The following CWF19L2 variants were observed in gnomAD, a reference collection of about 807,000 sequenced individuals.
CWF19L2 encodes CWF19-like protein 2.
CWF19L2 carries 98 observed loss-of-function variants against 111.7 expected under a neutral mutation model. That is an observed-to-expected ratio of 0.88 (90% CI 0.75 to 1.04). The LOEUF is 1.04. Among genes scored for constraint, CWF19L2 ranks in the 50% least tolerant of loss-of-function variants. The probability of loss-of-function intolerance (pLI) is 0.00; values close to 1 mark genes in which losing one functional copy is unlikely to be tolerated. For synonymous variants in CWF19L2, 351 were observed against 342.9 expected (o/e 1.02, Z -0.26); for missense variants, 1,101 against 1,051.4 (o/e 1.05, Z -0.65).
At chr11:107,362,670 T>C (rs910126404) in intron 12 of CWF19L2, among the ~76,000 whole-genome samples, 12 of 151,344 alleles carry the variant, frequency 7.9e-5, no homozygotes, top group African/African-American at 2.9e-4. Flanking sequence ...AAAACCCATC[T>C]GTACATCACC....
intron 12 of CWF19L2, among the ~76,000 whole-genome samples, chr11:107,370,916 C>T (rs1284971245): frequency 7.3e-6 from 1 of 137,036 alleles, no homozygotes; most frequent in African/African-American, 2.9e-5. Flanking sequence ...TACCTTTTAT[C>T]ATTTGTCTGT....
chr11:107,416,346 CT>C, intron 9 of CWF19L2, 48 bp from the exon 10 acceptor site: 1 of 810,094 alleles, frequency 1.2e-6, no homozygotes. Flanking sequence ...TAGTTTAATT[CT>C]TTACGACAAA....
At chr11:107,341,788 T>C (rs78459938) in intron 14 of CWF19L2, among the ~76,000 whole-genome samples, 1,970 of 152,242 alleles carry the variant, frequency 0.013, 24 homozygotes, top group South Asian at 0.037. Context: ...ATTGTTCAAA[T>C]TGTCTGTTTC....
intron 3 of CWF19L2, among the ~76,000 whole-genome samples, chr11:107,450,480 G>A (rs1861763159): frequency 6.6e-6 from 1 of 152,018 alleles, no homozygotes; most frequent in Non-Finnish European, 1.5e-5. Context: ...TTGAGCCCCA[G>A]GGGTTGAAGC....
At chr11:107,443,165 T>A in intron 3 of CWF19L2, 116 bp from the exon 4 acceptor site, 5 of 705,524 alleles carry the variant, frequency 7.1e-6, no homozygotes, top group Non-Finnish European at 1.2e-5. Flanking sequence ...TACACTGTAT[T>A]TCCCCTTTAC....
intron 10 of CWF19L2, among the ~76,000 whole-genome samples, chr11:107,408,009 T>C (rs11212209): frequency 0.037 from 5,671 of 151,974 alleles, 142 homozygotes; most frequent in East Asian, 0.11. Flanking sequence ...GGCTTACAGA[T>C]AGTAGTCATA....
At chr11:107,370,778 A>G (rs1452686078) in intron 12 of CWF19L2, among the ~76,000 whole-genome samples, 1 of 137,302 alleles carries the variant, frequency 7.3e-6, no homozygotes, top group African/African-American at 2.9e-5. Flanking sequence ...TGGCTTTGAC[A>G]AACAGGTGGC....
At chr11:107,423,927 CA>C (rs11291378) in intron 8 of CWF19L2, among the ~76,000 whole-genome samples, 64,339 of 147,392 alleles carry the variant, frequency 0.44, 13,803 homozygotes, top group Middle Eastern at 0.51. Flanking sequence ...TATATATGAG[CA>C]AAAAAAAAAA....
At position 107,329,994 on chromosome 11, in the gene CWF19L2, G is replaced by C; in HGVS notation, c.2465C>G (p.Ser822Cys). 1.3e-6 allele frequency: 2 copies of C among 1,582,826 alleles called. No individual in the cohort carries two copies. The highest frequency in any genetic ancestry group is 1.7e-6 in the Non-Finnish European group (2 of 1,164,160). The change falls in exon 17 of 18, where the codon TCT becomes TGT. Residue 822 changes from serine to cysteine, a missense_variant. Ser to Cys is a moderately radical substitution (Grantham distance 112). Coordinates refer to ENST00000282251, the MANE Select transcript of CWF19L2 (RefSeq NM_152434.3). ...KSVPRGLPYF[S>C]VDFGLHGGFA... is the part of the protein sequence containing the mutation. ...CCCTCCGTGAAGGCCAAAATCCACA[G>C]AGAAGTAAGGTAACCCTCTGGGTAC...
chr11:107,422,535 T>G (rs1431764764), intron 8 of CWF19L2, among the ~76,000 whole-genome samples: 7 of 152,088 alleles, frequency 4.6e-5, no homozygotes, highest in African/African-American at 1.4e-4. Context: ...TATACCAAAA[T>G]GTACACTTTT....
chr11:107,327,125 T>C, intron 17 of CWF19L2, 72 bp from the exon 18 acceptor site: 1 of 1,349,332 alleles, frequency 7.4e-7, no homozygotes, highest in Non-Finnish European at 1.0e-6. Flanking sequence ...ACTATTTCTG[T>C]TTATTCTGCT....
chr11:107,358,380 T>C (rs1860270738), intron 12 of CWF19L2, among the ~76,000 whole-genome samples: 2 of 151,770 alleles, frequency 1.3e-5, no homozygotes, highest in Non-Finnish European at 2.9e-5. Context: ...GCTCGTAATA[T>C]TTGAAGAAAG....
chr11:107,408,983 A>T (rs904303577), intron 10 of CWF19L2, among the ~76,000 whole-genome samples: 1 of 151,974 alleles, frequency 6.6e-6, no homozygotes, highest in Non-Finnish European at 1.5e-5. Flanking sequence ...GTCAAACCTC[A>T]CTGTTTAAAT....
chr11:107,425,871 G>A (rs916570203), intron 8 of CWF19L2, among the ~76,000 whole-genome samples: 1 of 151,858 alleles, frequency 6.6e-6, no homozygotes, highest in African/African-American at 2.4e-5. Flanking sequence ...ATTAATTTTT[G>A]TTCACATTAC....
Position 107,430,263 on chromosome 11 carries a change from T to C in CWF19L2, c.781-812A>G, listed in dbSNP as rs1251761276. On this transcript the variant is annotated intron_variant, in intron 7 of 17. Transcript: ENST00000282251. The stretch of plus-strand genomic sequence containing the variant: ...AGATCAGGGAAGGAGTGAATAAGTG[T>C]GAGCCTGTATATGGATAGGGGTAGA... Among the ~76,000 whole-genome samples, 6 of 149,256 alleles carry C rather than the reference T, an allele frequency of 4.0e-5. No individual in the cohort carries two copies. In the South Asian group the frequency reaches 1.1e-3, roughly 26 times the overall value.
chr11:107,421,190 A>G (rs961379089), intron 8 of CWF19L2, among the ~76,000 whole-genome samples: 25 of 152,108 alleles, frequency 1.6e-4, no homozygotes, highest in Admixed American at 1.5e-3. Flanking sequence ...GCGCAACTGT[A>G]AATAACCCAT....
At position 107,372,738 on chromosome 11, in the gene CWF19L2, AG is replaced by A. The variant is rs962269436; in HGVS notation, c.1872+17335del. On this transcript the variant is annotated intron_variant, in intron 12 of 17. Transcript: ENST00000282251. Reference sequence around the variant, plus strand: ...TAGTTAGAAGGCTATTTGGTAGACCAGATAAGAAACAAAGATAGCGGGTTGA... The same window carrying A: ...TAGTTAGAAGGCTATTTGGTAGACCAATAAGAAACAAAGATAGCGGGTTGA... Among the ~76,000 whole-genome samples the A allele has an allele frequency of 3.0e-4, 41 of 135,014 alleles. 8 individuals carry two copies. Among genetic ancestry groups the A allele is most frequent in the African/African-American group, 1.2e-3 (41 of 33,196 alleles). The allele number at this position is 135,014 out of a possible 152,430, so 88.6% of individuals were successfully genotyped here.
At chr11:107,378,161 T>G (rs1379067975) in intron 12 of CWF19L2, among the ~76,000 whole-genome samples, 1 of 150,342 alleles carries the variant, frequency 6.7e-6, no homozygotes, top group South Asian at 2.1e-4. Flanking sequence ...ACTTTTACAC[T>G]GTTGGTGGGA....
rs1860548550 is a variant in CWF19L2 at position 107,373,531 on chromosome 11, G to C, written c.1872+16543C>G. On this transcript the variant is annotated intron_variant, in intron 12 of 17. Transcript: ENST00000282251. ...GGCAGACTGACACCTCACATGGCTG[G>C]GTACTTCAACAGACCTGCAGCTGAG... Among the ~76,000 whole-genome samples the C allele has an allele frequency of 1.5e-5, 2 of 129,040 alleles. 1 individual carries two copies. The highest frequency in any genetic ancestry group is 1.5e-4 in the Admixed American group (2 of 13,456). 84.7% of individuals were successfully genotyped at this position (129,040 alleles called of 152,430 possible). A position where few individuals can be genotyped will look rare whatever the true frequency, so the allele number is the denominator to read the frequency against.
Sources: allele counts gnomAD v4.1 joint callset (sites outside exome capture counted in the v4.1 genomes callset), GRCh38; gene constraint gnomAD v4.1.1; transcripts MANE v1.5; gene names NCBI Gene and HGNC (gene_info 2026-07-23, HGNC 2026-07-21).